The following MPPED2 variants were observed in gnomAD, a reference collection of about 807,000 sequenced individuals.
MPPED2 encodes the protein metallophosphoesterase MPPED2.
Under a neutral mutation model 33.0 loss-of-function variants are expected in MPPED2, and 5 were observed. The observed-to-expected ratio is 0.15, with a 90% CI of 0.08 to 0.32. The LOEUF (loss-of-function observed/expected upper bound fraction) is 0.32, where lower values mean the gene tolerates loss of function less well. Ranked by LOEUF, MPPED2 falls within the 10% of genes least tolerant of loss-of-function variation. The pLI is 1.00. For missense variants in MPPED2, 275 were observed against 372.1 expected (o/e 0.74, Z 2.15); for synonymous variants, 136 against 141.9 (o/e 0.96, Z 0.29).
chr11:30,415,213 C>A (rs944373221), intron 5 of MPPED2, among the ~76,000 whole-genome samples: 1 of 152,116 alleles, frequency 6.6e-6, no homozygotes, highest in Non-Finnish European at 1.5e-5. Context: ...GGCCAAACTG[C>A]AGACATGAAC....
At chr11:30,471,180 T>A (rs1001687458) in intron 4 of MPPED2, among the ~76,000 whole-genome samples, 2 of 152,194 alleles carry the variant, frequency 1.3e-5, no homozygotes, top group African/African-American at 4.8e-5. Flanking sequence ...TTCTTTCCTG[T>A]TCACCTCACG....
At chr11:30,500,981 C>A (rs1050349307) in intron 3 of MPPED2, among the ~76,000 whole-genome samples, 2 of 152,190 alleles carry the variant, frequency 1.3e-5, no homozygotes, top group African/African-American at 4.8e-5. Context: ...TGTCCTGTTC[C>A]TTCTCCCCAA....
At chr11:30,475,306 A>G (rs1428061714) in intron 4 of MPPED2, among the ~76,000 whole-genome samples, 2 of 152,194 alleles carry the variant, frequency 1.3e-5, no homozygotes, top group Admixed American at 1.3e-4. Context: ...AAATTTATGT[A>G]TGATAAGCTG....
At chr11:30,495,700 C>T (rs923552877) in intron 3 of MPPED2, among the ~76,000 whole-genome samples, 179 bp from the exon 4 acceptor site, 3 of 152,074 alleles carry the variant, frequency 2.0e-5, no homozygotes, top group Non-Finnish European at 2.9e-5. Flanking sequence ...ATGACAATAA[C>T]GGGAAATAGG....
intron 6 of MPPED2, among the ~76,000 whole-genome samples, chr11:30,413,184 A>G (rs1030102505): frequency 6.6e-6 from 1 of 152,072 alleles, no homozygotes; most frequent in African/African-American, 2.4e-5. Flanking sequence ...TTTATTACCC[A>G]CCTAACCAGG....
In MPPED2 at chr11:30,435,368, G is replaced by C. The variant is rs560677844; in HGVS notation, c.537-17735C>G. 9.7e-4 allele frequency among the ~76,000 whole-genome samples: 148 copies of C among 152,232 alleles called. 1 individual carries two copies. The highest frequency in any genetic ancestry group is 3.3e-3 in the African/African-American group (139 of 41,538). On this transcript the variant is annotated intron_variant, in intron 4 of 6. Coordinates refer to ENST00000358117, the MANE Select transcript of MPPED2 (RefSeq NM_001584.3). ...CACACTATCAAAAGTGGTGCTGTCTGCCTTTTTCAATAAACGGAAATTTCC... is the reference window on the plus strand; with the variant it reads ...CACACTATCAAAAGTGGTGCTGTCTCCCTTTTTCAATAAACGGAAATTTCC...
intron 3 of MPPED2, among the ~76,000 whole-genome samples, chr11:30,498,696 C>T (rs1345105439): frequency 6.6e-6 from 1 of 152,088 alleles, no homozygotes; most frequent in African/African-American, 2.4e-5. Flanking sequence ...TATTTTAAAA[C>T]TACTTTTAAG....
intron 4 of MPPED2, among the ~76,000 whole-genome samples, chr11:30,484,202 T>C (rs1314534808): frequency 6.6e-6 from 1 of 152,166 alleles, no homozygotes; most frequent in Non-Finnish European, 1.5e-5. Context: ...TAAATATCAC[T>C]GGCACCTTCA....
chr11:30,405,963 T>C (rs780462020), downstream of MPPED2, among the ~76,000 whole-genome samples: 5 of 152,002 alleles, frequency 3.3e-5, no homozygotes, highest in Admixed American at 1.3e-4. Context: ...GATTCCAAAG[T>C]TGGGGGCTCT....
chr11:30,494,757 A>AAAAAAGAAAG (rs768924251), intron 4 of MPPED2, among the ~76,000 whole-genome samples: 44 of 120,872 alleles, frequency 3.6e-4, no homozygotes, highest in African/African-American at 9.6e-4. Flanking sequence ...AAAAAAAAAA[A>AAAAAAGAAAG]AAAGAAAGAA....
intron 3 of MPPED2, among the ~76,000 whole-genome samples, chr11:30,534,836 C>T (rs1034661352): frequency 5.3e-5 from 8 of 152,190 alleles, no homozygotes; most frequent in African/African-American, 1.9e-4. Flanking sequence ...TTTAAATGCT[C>T]ATTTTTAGAG....
intron 2 of MPPED2, among the ~76,000 whole-genome samples, chr11:30,568,076 A>C (rs181415402): frequency 1.3e-5 from 2 of 152,318 alleles, no homozygotes; most frequent in Admixed American, 1.3e-4. Context: ...AAAGACACAC[A>C]ATATTATTAA....
intron 3 of MPPED2, among the ~76,000 whole-genome samples, chr11:30,522,709 T>C (rs55657651): frequency 0.017 from 2,555 of 152,276 alleles, 62 homozygotes; most frequent in African/African-American, 0.058. Flanking sequence ...AATGGCTGCA[T>C]TGAATTACGT....
intron 2 of MPPED2, among the ~76,000 whole-genome samples, chr11:30,538,496 A>G (rs1216803498): frequency 6.6e-6 from 1 of 152,164 alleles, no homozygotes; most frequent in Non-Finnish European, 1.5e-5. Context: ...ACTAGGCAAT[A>G]AATTTTCTGA....
intron 5 of MPPED2, among the ~76,000 whole-genome samples, chr11:30,416,738 C>T (rs1948379089): frequency 6.6e-6 from 1 of 152,110 alleles, no homozygotes; most frequent in African/African-American, 2.4e-5. Flanking sequence ...TTGAGCACAC[C>T]TTAGTCATTT....
At chr11:30,529,954 T>C (rs2134439132) in intron 3 of MPPED2, among the ~76,000 whole-genome samples, 1 of 152,304 alleles carries the variant, frequency 6.6e-6, no homozygotes, top group East Asian at 1.9e-4. Flanking sequence ...AGCTCGGAAC[T>C]ATTAAATGAC....
chr11:30,468,408 G>A (rs12221587), intron 4 of MPPED2, among the ~76,000 whole-genome samples: 33,866 of 152,092 alleles, frequency 0.22, 5,751 homozygotes, highest in African/African-American at 0.48. Flanking sequence ...AAGAACTATA[G>A]TTGTTCTGGA....
At chr11:30,454,925 G>A (rs1950217975) in intron 4 of MPPED2, among the ~76,000 whole-genome samples, 1 of 152,190 alleles carries the variant, frequency 6.6e-6, no homozygotes, top group South Asian at 2.1e-4. Flanking sequence ...AGTTGTCAGT[G>A]CCAAAGGGTG....
At chr11:30,417,423 TTTTG>T in intron 5 of MPPED2, 91 bp downstream of exon 5, 2 of 617,954 alleles carry the variant, frequency 3.2e-6, no homozygotes, top group South Asian at 2.4e-5. Flanking sequence ...TTTTTTTTTT[TTTTG>T]GAGGAAAATG....
Sources: gnomAD v4.1 joint callset for allele counts (sites outside exome capture counted in the v4.1 genomes callset) on GRCh38, gnomAD v4.1.1 for gene constraint, MANE v1.5 for transcripts, NCBI Gene and HGNC (gene_info 2026-07-23, HGNC 2026-07-21) for gene names.